The following MARK2 variants were observed in gnomAD, a reference collection of about 807,000 sequenced individuals.
The protein encoded by MARK2 is microtubule affinity regulating kinase 2.
In MARK2, 16 loss-of-function variants were observed where a neutral mutation model predicts 89.8. That is an observed-to-expected ratio of 0.18 (90% CI 0.12 to 0.27). MARK2 has a LOEUF of 0.27. MARK2 is among the 10% of genes least tolerant of loss of function. The probability of loss-of-function intolerance (pLI) is 1.00; values close to 1 mark genes in which losing one functional copy is unlikely to be tolerated. For missense variants in MARK2, 621 were observed against 1,049.9 expected (o/e 0.59, Z 5.65); for synonymous variants, 382 against 399.5 (o/e 0.96, Z 0.52).
chr11:63,897,079 A>C (rs995497472), intron 3 of MARK2, among the ~76,000 whole-genome samples: 15 of 152,280 alleles, frequency 9.9e-5, no homozygotes, highest in Middle Eastern at 6.8e-3. Context: ...ATCCCTGAAA[A>C]ATGAACATTG....
At position 63,899,678 on chromosome 11, in the gene MARK2, G is replaced by A. The variant is rs145650932; in HGVS notation, c.532-196G>A. Reference sequence around the variant, plus strand: ...TCCCATCTCTCCCATGGCTGCCCACGTGAGGAGTGGCCTGCATTGCCTTCC... The same window carrying A: ...TCCCATCTCTCCCATGGCTGCCCACATGAGGAGTGGCCTGCATTGCCTTCC... On this transcript the variant is annotated intron_variant, in intron 7 of 18. Transcript: ENST00000402010. Among the ~76,000 whole-genome samples, 69 of 152,310 alleles carry A rather than the reference G, an allele frequency of 4.5e-4. No homozygotes were observed. The East Asian group carries it at 0.012, about 26-fold the overall frequency.
chr11:63,900,890 G>A lies in MARK2; in HGVS notation c.988+11G>A, dbSNP rs1940807229. 1.9e-6 allele frequency: 3 copies of A among 1,613,884 alleles called. No homozygotes were observed. The East Asian group carries it at 6.7e-5, about 36-fold the overall frequency. ...ACCCCCGGCGGACAGGTGAGGCTGT[G>A]CCGGGCTGTGAGGTTAAGCTTGCCT... On this transcript the variant is annotated intron_variant, in intron 10 of 18. Transcript: ENST00000402010. The surrounding 1 kb of genome is among the most constrained non-coding windows in gnomAD (Gnocchi z 4.7).
intron 1 of MARK2, among the ~76,000 whole-genome samples, chr11:63,894,326 T>G (rs1216582557): frequency 6.6e-6 from 1 of 152,224 alleles, no homozygotes; most frequent in Non-Finnish European, 1.5e-5. Flanking sequence ...AAATTTCGTC[T>G]CCTACGCGGG....
rs866934005 is a variant in MARK2, at chr11:63,903,322, G to A, written c.1514+164G>A. On this transcript the variant is annotated intron_variant, in intron 14 of 18. Transcript: ENST00000402010. The surrounding 1 kb of genome is among the most constrained non-coding windows in gnomAD (Gnocchi z 5.1). ...CCAGCTTTCCCCTCCCCTATTCCACGCCATTGCCTCCTCCCCATCTTCCTC... is the reference window on the plus strand; with the variant it reads ...CCAGCTTTCCCCTCCCCTATTCCACACCATTGCCTCCTCCCCATCTTCCTC... The A allele has an allele frequency of 4.9e-6, 3 of 617,794 alleles. No individual in the cohort carries two copies. The highest frequency in any genetic ancestry group is 5.8e-6 in the Non-Finnish European group (2 of 345,530). The allele number at this position is 617,794 out of a possible 1,614,324, so 38.3% of individuals were successfully genotyped here. A position where few individuals can be genotyped will look rare whatever the true frequency, so the allele number is the denominator to read the frequency against.
chr11:63,898,484 C>A (rs1238205630), intron 4 of MARK2, 124 bp from the exon 5 acceptor site: 1 of 912,708 alleles, frequency 1.1e-6, no homozygotes, highest in Non-Finnish European at 1.8e-6. Context: ...GGAACTTGTT[C>A]TTGGGAGTGG....
chr11:63,893,352 T>C (rs1940073103), intron 1 of MARK2, among the ~76,000 whole-genome samples: 1 of 17,868 alleles, frequency 5.6e-5, no homozygotes, highest in Admixed American at 1.0e-3. Flanking sequence ...ATACCATAAG[T>C]TTATCCAAGT....
At chr11:63,852,791 A>G (rs1217729791) in intron 1 of MARK2, among the ~76,000 whole-genome samples, 2 of 152,156 alleles carry the variant, frequency 1.3e-5, no homozygotes. Context: ...ATGTAGTATT[A>G]TGGTACCAGT....
chr11:63,901,025 G>A lies in MARK2; in HGVS notation c.1057G>A (p.Glu353Lys), dbSNP rs1940820994. 2 of 1,614,138 alleles carry A rather than the reference G, an allele frequency of 1.2e-6. No homozygotes were observed. The highest frequency in any genetic ancestry group is 1.7e-6 in the Non-Finnish European group (2 of 1,179,984). ...QDSLVGQRYN[E>K]VMATYLLLGY... The stretch of plus-strand genomic sequence containing the variant: ...CTCGCTGGTGGGCCAGAGATACAAC[G>A]AGGTGATGGCCACCTATCTGCTCCT... Residue 353 changes from glutamate (E) to lysine (K), a missense_variant, in exon 11 of 19, where the codon GAG (glutamate) becomes AAG (lysine). Coordinates refer to ENST00000402010, the MANE Select transcript of MARK2 (RefSeq NM_001039469.3).
chr11:63,869,717 A>G (rs1371068604), intron 1 of MARK2, among the ~76,000 whole-genome samples: 5 of 151,792 alleles, frequency 3.3e-5, no homozygotes, highest in African/African-American at 1.2e-4. Flanking sequence ...GGTGGAAGAG[A>G]TTTTCCATCT....
At chr11:63,866,048 C>T (rs534135164) in intron 1 of MARK2, among the ~76,000 whole-genome samples, 227 of 152,192 alleles carry the variant, frequency 1.5e-3, no homozygotes, top group African/African-American at 5.0e-3. Flanking sequence ...TTCATTCCCT[C>T]TTTCTCTCTT....
intron 1 of MARK2, among the ~76,000 whole-genome samples, chr11:63,872,428 C>T (rs1938503752): frequency 6.6e-6 from 1 of 152,194 alleles, no homozygotes; most frequent in Non-Finnish European, 1.5e-5. Context: ...GAAAATTGAC[C>T]TAAGGTTAGA....
At chr11:63,888,661 G>A in intron 1 of MARK2, 1 of 1,176,328 alleles carries the variant, frequency 8.5e-7, no homozygotes. Context: ...AGCCAGCGGG[G>A]CTTTGTCCCT....
intron 17 of MARK2, 66 bp downstream of exon 17, chr11:63,906,180 T>C: frequency 1.6e-6 from 2 of 1,252,782 alleles, no homozygotes; most frequent in Non-Finnish European, 2.0e-6. Context: ...CCTGCCTCCA[T>C]CACTAACTCC....
chr11:63,859,543 A>G (rs1050069550), intron 1 of MARK2, among the ~76,000 whole-genome samples: 18 of 151,778 alleles, frequency 1.2e-4, no homozygotes, highest in African/African-American at 4.4e-4. Flanking sequence ...CTGGTCTTGA[A>G]TTCCTGACCT....
At chr11:63,896,896 A>C (rs993808136) in intron 3 of MARK2, among the ~76,000 whole-genome samples, 1 of 152,128 alleles carries the variant, frequency 6.6e-6, no homozygotes, top group Non-Finnish European at 1.5e-5. Flanking sequence ...CCACCAAGCC[A>C]TCTTATTCCT....
chr11:63,852,787 T>A (rs901601549), intron 1 of MARK2, among the ~76,000 whole-genome samples: 5 of 152,160 alleles, frequency 3.3e-5, no homozygotes, highest in African/African-American at 4.8e-5. Context: ...TTTCATGTAG[T>A]ATTATGGTAC....
chr11:63,884,327 A>G (rs1196427490), intron 1 of MARK2, among the ~76,000 whole-genome samples: 2 of 152,186 alleles, frequency 1.3e-5, no homozygotes, highest in African/African-American at 4.8e-5. Context: ...TGCTCTTTGC[A>G]TTGTGGCTTC....
rs1360048657 is a variant in MARK2, at chr11:63,909,853, T to C, written c.*616T>C. The C allele has an allele frequency of 2.0e-5, 3 of 151,610 alleles. No homozygotes were observed. The highest frequency in any genetic ancestry group is 7.3e-5 in the African/African-American group (3 of 41,094). The allele number at this position is 151,610 out of a possible 1,614,324, so 9.4% of individuals were successfully genotyped here. The stretch of plus-strand genomic sequence containing the variant: ...TGGGCGGTGGGGCAGGGGGCGGGGG[T>C]GCTGCGCAGCCCTGCAGTGGGTGGG... On this transcript the variant is annotated 3_prime_UTR_variant, in exon 19 of 19. Transcript: ENST00000402010.
At chr11:63,856,333 T>G (rs2016845185) in intron 1 of MARK2, among the ~76,000 whole-genome samples, 1 of 140,748 alleles carries the variant, frequency 7.1e-6, no homozygotes, top group African/African-American at 2.5e-5. Flanking sequence ...TTTTTTTTTT[T>G]TTTTAAATAT....
Sources: gnomAD v4.1 joint callset for allele counts (sites outside exome capture counted in the v4.1 genomes callset) on GRCh38, gnomAD v4.1.1 for gene constraint, Gnocchi (gnomAD v3.1) non-coding constraint, MANE v1.5 for transcripts, NCBI Gene and HGNC (gene_info 2026-07-23, HGNC 2026-07-21) for gene names.